TGFBRAP1: variants seen among roughly 807,000 people sequenced by gnomAD.
TGFBRAP1 encodes the protein transforming growth factor-beta receptor-associated protein 1.
Under a neutral mutation model 83.2 loss-of-function variants are expected in TGFBRAP1, and 20 were observed. The ratio of observed to expected loss-of-function variants is 0.24; its 90% CI spans 0.17 to 0.35. The LOEUF (loss-of-function observed/expected upper bound fraction) is 0.35, where lower values mean the gene tolerates loss of function less well. TGFBRAP1 is among the 10% of genes least tolerant of loss of function. The pLI is 1.00. For missense variants in TGFBRAP1, 950 were observed against 1,099.4 expected (o/e 0.86, Z 1.92); for synonymous variants, 415 against 459.8 (o/e 0.90, Z 1.25).
At chr2:105,278,095 T>C (rs1179337067) in intron 6 of TGFBRAP1, among the ~76,000 whole-genome samples, 1 of 150,382 alleles carries the variant, frequency 6.6e-6, no homozygotes, top group Non-Finnish European at 1.5e-5. Flanking sequence ...TGTGTGTGTG[T>C]GTGTGTGTGT....
intron 6 of TGFBRAP1, 128 bp from the exon 7 acceptor site, chr2:105,277,799 A>C: frequency 1.1e-6 from 1 of 927,850 alleles, no homozygotes. Context: ...CATGCCTGTA[A>C]TCCCAACACT....
intron 1 of TGFBRAP1, among the ~76,000 whole-genome samples, chr2:105,321,358 G>T (rs1175387145): frequency 1.3e-5 from 2 of 151,918 alleles, no homozygotes; most frequent in Non-Finnish European, 2.9e-5. Flanking sequence ...AGTAAAGATG[G>T]GGTTTCACTG....
intron 10 of TGFBRAP1, 139 bp downstream of exon 10, chr2:105,272,716 A>C: frequency 8.6e-7 from 1 of 1,165,940 alleles, no homozygotes; most frequent in East Asian, 2.6e-5. Flanking sequence ...CATTTAAAAA[A>C]ATCTTTTTAA....
intron 1 of TGFBRAP1, among the ~76,000 whole-genome samples, chr2:105,326,193 C>T (rs916084873): frequency 1.3e-5 from 2 of 152,124 alleles, no homozygotes; most frequent in Non-Finnish European, 2.9e-5. Flanking sequence ...TATATACACA[C>T]ACATATATAC....
At chr2:105,318,679 C>T (rs1678960796) in intron 1 of TGFBRAP1, among the ~76,000 whole-genome samples, 3 of 152,144 alleles carry the variant, frequency 2.0e-5, no homozygotes, top group African/African-American at 7.2e-5. Context: ...TATTTTATAT[C>T]CATATTTAAT....
chr2:105,261,159 C>T (rs1020743802), downstream of TGFBRAP1, among the ~76,000 whole-genome samples: 6 of 152,200 alleles, frequency 3.9e-5, no homozygotes, highest in East Asian at 1.9e-4. Context: ...GCTGCAGAGG[C>T]GGGAGTGAGG....
intron 4 of TGFBRAP1, among the ~76,000 whole-genome samples, chr2:105,292,239 G>C (rs1419844052): frequency 6.6e-6 from 1 of 152,130 alleles, no homozygotes; most frequent in African/African-American, 2.4e-5. Flanking sequence ...TGGAAGGCTC[G>C]ATGCTCTGAA....
At chr2:105,287,107 T>A (rs747577512) in intron 4 of TGFBRAP1, among the ~76,000 whole-genome samples, 2 of 151,726 alleles carry the variant, frequency 1.3e-5, no homozygotes, top group African/African-American at 2.4e-5. Context: ...ACAAGACAAA[T>A]ACTGTATGAT....
intron 4 of TGFBRAP1, among the ~76,000 whole-genome samples, chr2:105,286,018 TAGA>T (rs1178597459): frequency 6.6e-6 from 1 of 152,138 alleles, no homozygotes; most frequent in Non-Finnish European, 1.5e-5. Flanking sequence ...TCAGCTGCAG[TAGA>T]AGAATTCTCA....
intron 2 of TGFBRAP1, among the ~76,000 whole-genome samples, chr2:105,305,077 G>A (rs1165544632): frequency 1.3e-5 from 2 of 152,156 alleles, no homozygotes; most frequent in African/African-American, 4.8e-5. Flanking sequence ...TGGGCTTCGG[G>A]TGCTAATGAT....
intron 1 of TGFBRAP1, among the ~76,000 whole-genome samples, chr2:105,327,882 T>C (rs1185766656): frequency 6.6e-6 from 1 of 152,232 alleles, no homozygotes; most frequent in Admixed American, 6.5e-5. Flanking sequence ...TTCAATTGTG[T>C]AATGCAAACC....
At chr2:105,296,299 G>C in intron 4 of TGFBRAP1, 57 bp downstream of exon 4, 1 of 1,599,708 alleles carries the variant, frequency 6.3e-7, no homozygotes, top group Non-Finnish European at 8.5e-7. Context: ...AGTTAAATCT[G>C]AATGTCCTCT....
chr2:105,325,841 T>G (rs954941250), intron 1 of TGFBRAP1, among the ~76,000 whole-genome samples: 2 of 152,210 alleles, frequency 1.3e-5, no homozygotes, highest in African/African-American at 4.8e-5. Context: ...TGACTCAATC[T>G]TGAAATTTGT....
At chr2:105,282,206 T>G (rs1380521216) in intron 5 of TGFBRAP1, among the ~76,000 whole-genome samples, 1 of 152,206 alleles carries the variant, frequency 6.6e-6, no homozygotes, top group Non-Finnish European at 1.5e-5. Flanking sequence ...AAGCAGGCAC[T>G]GGGTTACCCT....
At chr2:105,262,906 T>A (rs896483960), downstream of TGFBRAP1, among the ~76,000 whole-genome samples, 8 of 152,206 alleles carry the variant, frequency 5.3e-5, no homozygotes, top group African/African-American at 1.9e-4. Context: ...TTTGAGAAGG[T>A]GAAAGGGCCT....
At chr2:105,299,714 G>A (rs1321757133) in intron 2 of TGFBRAP1, among the ~76,000 whole-genome samples, 1 of 152,072 alleles carries the variant, frequency 6.6e-6, no homozygotes, top group African/African-American at 2.4e-5. Flanking sequence ...GGGCAACATA[G>A]TGAGACCCCA....
At chr2:105,250,802 C>G in the TGFBRAP1 span, among the ~76,000 whole-genome samples, 1 of 152,192 alleles carries the variant, frequency 6.6e-6, no homozygotes, top group Non-Finnish European at 1.5e-5. Context: ...TGCAGGCGCG[C>G]GCCGCCACGC....
intron 4 of TGFBRAP1, among the ~76,000 whole-genome samples, chr2:105,290,088 T>C (rs960402725): frequency 7.2e-5 from 11 of 152,244 alleles, no homozygotes; most frequent in Non-Finnish European, 1.5e-4. Flanking sequence ...TGAGACAGTC[T>C]TGCTCTGTTG....
intron 5 of TGFBRAP1, among the ~76,000 whole-genome samples, chr2:105,281,087 C>G (rs1159240241): frequency 6.6e-6 from 1 of 152,182 alleles, no homozygotes; most frequent in Non-Finnish European, 1.5e-5. Flanking sequence ...CGCAAAGGCA[C>G]CATCACAGCT....
Sources: gnomAD v4.1 joint callset for allele counts (sites outside exome capture counted in the v4.1 genomes callset) on GRCh38, gnomAD v4.1.1 for gene constraint, MANE v1.5 for transcripts, NCBI Gene and HGNC (gene_info 2026-07-23, HGNC 2026-07-21) for gene names.